Variants in USP25 observed in about 807,000 individuals in gnomAD.
USP25 encodes ubiquitin specific peptidase 25, also known as ubiquitin carboxyl-terminal hydrolase 25.
In USP25, 85 loss-of-function variants were observed where a neutral mutation model predicts 158.5. The ratio of observed to expected loss-of-function variants is 0.54; its 90% confidence interval spans 0.45 to 0.64. The LOEUF is 0.64. USP25 is among the 30% of genes least tolerant of loss of function. The pLI is 0.00. For missense variants in USP25, 1,242 were observed against 1,327.3 expected (o/e 0.94, Z 1.00); for synonymous variants, 464 against 460.4 (o/e 1.01, Z -0.10).
At chr21:15,750,214 G>GTGTT in intron 1 of USP25, among the ~76,000 whole-genome samples, 1 of 65,634 alleles carries the variant, frequency 1.5e-5, no homozygotes, top group East Asian at 4.5e-4. Flanking sequence ...GTGTGTGTAT[G>GTGTT]TTTTTTTTTT....
intron 9 of USP25, among the ~76,000 whole-genome samples, 199 bp from the exon 10 acceptor site, chr21:15,818,499 A>G (rs1264167140): frequency 6.6e-6 from 1 of 152,138 alleles, no homozygotes. Context: ...ATATATGTGG[A>G]TGTGTAATAT....
chr21:15,798,985 GTATAT>G (rs2035997932), intron 5 of USP25, among the ~76,000 whole-genome samples: 1 of 151,124 alleles, frequency 6.6e-6, no homozygotes. Context: ...GGAATATACT[GTATAT>G]TATAAAACAT....
intron 20 of USP25, among the ~76,000 whole-genome samples, chr21:15,858,238 G>C (rs995411154): frequency 2.0e-5 from 3 of 151,850 alleles, no homozygotes; most frequent in Non-Finnish European, 4.4e-5. Context: ...AATCCTTTTA[G>C]AATTGTATTT....
chr21:15,864,439 G>C lies in USP25; in HGVS notation c.2719G>C (p.Asp907His). The C allele has an allele frequency of 1.3e-6, 2 of 1,593,866 alleles. No individual in the cohort carries two copies. The highest frequency in any genetic ancestry group is 2.2e-5 in the East Asian group (1 of 44,446). Residue 907 changes from aspartate (D) to histidine (H), a missense_variant, in exon 21 of 26, where the codon GAT (aspartate) becomes CAT (histidine). Transcript: ENST00000400183. ...ATTTGGAGATAGAAATTTGAGTTTT[G>C]ATGAAAGGTAATTTGAAAGTATAAA... ...EQFGDRNLSF[D>H]ERCHNIMKVA...
At chr21:15,778,122 C>T in intron 4 of USP25, 95 bp downstream of exon 4, 4 of 1,158,388 alleles carry the variant, frequency 3.5e-6, no homozygotes, top group Non-Finnish European at 4.6e-6. Context: ...ATAAGATATA[C>T]TTTGTTACTC....
chr21:15,774,146 A>T (rs2034508874), intron 3 of USP25, among the ~76,000 whole-genome samples: 1 of 152,216 alleles, frequency 6.6e-6, no homozygotes, highest in South Asian at 2.1e-4. Flanking sequence ...TCGAAATCAC[A>T]TCAGTTATTC....
intron 1 of USP25, among the ~76,000 whole-genome samples, chr21:15,738,627 C>T (rs758186805): frequency 6.6e-6 from 1 of 152,102 alleles, no homozygotes; most frequent in Admixed American, 6.6e-5. Context: ...GTTTCTAATA[C>T]CTTTTCCAGA....
intron 19 of USP25, among the ~76,000 whole-genome samples, chr21:15,848,886 G>A (rs2146479043): frequency 6.6e-6 from 1 of 152,174 alleles, no homozygotes; most frequent in Middle Eastern, 3.4e-3. Flanking sequence ...GGTGACGGAG[G>A]CAATCTCTTG....
At chr21:15,778,120 T>A in intron 4 of USP25, 93 bp downstream of exon 4, 1 of 1,185,272 alleles carries the variant, frequency 8.4e-7, no homozygotes, top group Non-Finnish European at 1.1e-6. Context: ...TAATAAGATA[T>A]ACTTTGTTAC....
At chr21:15,757,648 G>T (rs2033464770) in intron 1 of USP25, among the ~76,000 whole-genome samples, 1 of 152,138 alleles carries the variant, frequency 6.6e-6, no homozygotes, top group Non-Finnish European at 1.5e-5. Flanking sequence ...TTCTTCTTAG[G>T]CAAGTGGGCT....
At chr21:15,815,585 C>A (rs9974210) in intron 9 of USP25, among the ~76,000 whole-genome samples, 30,479 of 152,056 alleles carry the variant, frequency 0.2, 4,763 homozygotes, top group African/African-American at 0.44. Context: ...AGCTGGCATC[C>A]AAGGAGAGCA....
At chr21:15,808,515 T>TA (rs946792774) in intron 7 of USP25, among the ~76,000 whole-genome samples, 38 of 152,132 alleles carry the variant, frequency 2.5e-4, no homozygotes, top group African/African-American at 8.2e-4. Flanking sequence ...GATTATTTTT[T>TA]AAAAATCTCA....
At chr21:15,736,121 G>A (rs1050292324) in intron 1 of USP25, among the ~76,000 whole-genome samples, 1 of 150,608 alleles carries the variant, frequency 6.6e-6, no homozygotes, top group Non-Finnish European at 1.5e-5. Context: ...TTTTTGAGAC[G>A]GGGTTTTGCT....
Position 15,879,807 on chromosome 21 carries a change from C to G in USP25, c.*1332C>G, listed in dbSNP as rs1256798617. The G allele has an allele frequency of 6.6e-6, 1 of 152,488 alleles. No homozygotes were observed. The highest frequency in any genetic ancestry group is 6.5e-5 in the Admixed American group (1 of 15,270). 9.4% of individuals were successfully genotyped at this position (152,488 alleles called of 1,614,324 possible). ...TGGAGGAGTAAGATGAAATATTATG[C>G]TATTATATGATGCTGTTTGTAAAGG... On this transcript the variant is annotated 3_prime_UTR_variant, in exon 26 of 26. Coordinates refer to ENST00000400183, the MANE Select transcript of USP25 (RefSeq NM_001283041.3).
rs1479786444 is a variant in USP25 at position 15,816,870 on chromosome 21, G to A, written c.932-1828G>A. Among the ~76,000 whole-genome samples the A allele has an allele frequency of 6.6e-6, 1 of 152,138 alleles. No homozygotes were observed. Among genetic ancestry groups the A allele is most frequent in the Non-Finnish European group, 1.5e-5 (1 of 68,018 alleles). On this transcript the variant is annotated intron_variant, in intron 9 of 25. Coordinates refer to ENST00000400183, the MANE Select transcript of USP25 (RefSeq NM_001283041.3). The surrounding 1 kb of genome is among the most constrained non-coding windows in gnomAD (Gnocchi z 4.0). ...TAATCTGCCAGGCATGATGGTTCAT[G>A]CCTGTAATCCCAGCACTTTGGGAGG...
chr21:15,745,465 T>C (rs1317734941), intron 1 of USP25, among the ~76,000 whole-genome samples: 2 of 147,868 alleles, frequency 1.4e-5, no homozygotes, highest in Non-Finnish European at 3.0e-5. Flanking sequence ...TCTTTTTCTT[T>C]TTCTTTTCTT....
chr21:15,773,912 TAG>T (rs2034498106), intron 3 of USP25, among the ~76,000 whole-genome samples: 1 of 152,210 alleles, frequency 6.6e-6, no homozygotes, highest in African/African-American at 2.4e-5. Context: ...TCTGCCATAT[TAG>T]AGGAGAACTA....
At position 15,811,089 on chromosome 21, in the gene USP25, A is replaced by G. The variant is rs1288913171; in HGVS notation, c.858-48A>G. 6.0e-6 allele frequency: 9 copies of G among 1,505,654 alleles called. No homozygotes were observed. The Admixed American group carries it at 1.2e-4, about 19-fold the overall frequency. The allele number at this position is 1,505,654 out of a possible 1,614,324, so 93.3% of individuals were successfully genotyped here. A position where few individuals can be genotyped will look rare whatever the true frequency, so the allele number is the denominator to read the frequency against. On this transcript the variant is annotated intron_variant, in intron 8 of 25. Transcript: ENST00000400183. ...TAGTTCTTTAATATTTTCTCTATTT[A>G]TAGGTCCGAAAATTGTAATCACATT... is the stretch of plus-strand genomic sequence containing the variant.
At chr21:15,859,012 T>C (rs1346796875) in intron 20 of USP25, among the ~76,000 whole-genome samples, 2 of 151,600 alleles carry the variant, frequency 1.3e-5, no homozygotes, top group African/African-American at 2.4e-5. Flanking sequence ...ATATTTTTTG[T>C]ACACCACACT....
Sources: allele counts gnomAD v4.1 joint callset (sites outside exome capture counted in the v4.1 genomes callset), GRCh38; gene constraint gnomAD v4.1.1; non-coding constraint Gnocchi (gnomAD v3.1); transcripts MANE v1.5; gene names NCBI Gene and HGNC (gene_info 2026-07-23, HGNC 2026-07-21).